Variants in CADPS observed in about 807,000 individuals in gnomAD.
CADPS encodes calcium dependent secretion activator.
In CADPS, 57 loss-of-function variants were observed where a neutral mutation model predicts 167.3. That is an observed-to-expected ratio of 0.34 (90% CI 0.28 to 0.42). The LOEUF is 0.42. Ranked by LOEUF, CADPS falls within the 20% of genes least tolerant of loss-of-function variation. The pLI is 1.00. For synonymous variants in CADPS, 676 were observed against 635.3 expected (o/e 1.06, Z -0.96); for missense variants, 1,414 against 1,738.1 (o/e 0.81, Z 3.32).
chr3:62,521,400 C>T (rs1210869521), intron 13 of CADPS, among the ~76,000 whole-genome samples: 1 of 152,136 alleles, frequency 6.6e-6, no homozygotes, highest in African/African-American at 2.4e-5. Flanking sequence ...TTACAAGGTG[C>T]CATTCCAAGT....
intron 1 of CADPS, among the ~76,000 whole-genome samples, chr3:62,819,022 G>A (rs78379899): frequency 1.6e-4 from 24 of 152,250 alleles, no homozygotes; most frequent in Non-Finnish European, 2.6e-4. Context: ...AGGGGATGGT[G>A]GTGGAGGTGG....
At chr3:62,415,138 A>T (rs550590187) in intron 28 of CADPS, among the ~76,000 whole-genome samples, 3 of 149,330 alleles carry the variant, frequency 2.0e-5, no homozygotes, top group African/African-American at 7.4e-5. Context: ...ACGCACACGT[A>T]CGACATCCAA....
chr3:62,658,317 A>G (rs1208186252), intron 4 of CADPS, among the ~76,000 whole-genome samples: 2 of 152,154 alleles, frequency 1.3e-5, no homozygotes, highest in East Asian at 1.9e-4. Context: ...CACATTTAAT[A>G]AAGGACTGAT....
intron 3 of CADPS, among the ~76,000 whole-genome samples, chr3:62,723,651 A>G (rs1398683640): frequency 6.6e-6 from 1 of 152,236 alleles, no homozygotes; most frequent in African/African-American, 2.4e-5. Flanking sequence ...TTTAATTTCA[A>G]ACTGGGTCAG....
At chr3:62,540,049 A>G (rs2075429638) in intron 11 of CADPS, among the ~76,000 whole-genome samples, 1 of 152,166 alleles carries the variant, frequency 6.6e-6, no homozygotes. Flanking sequence ...GGCATATATT[A>G]AGGGCTCAAT....
intron 21 of CADPS, among the ~76,000 whole-genome samples, chr3:62,489,765 G>A (rs141088737): frequency 1.6e-4 from 24 of 152,164 alleles, no homozygotes; most frequent in South Asian, 6.2e-4. Flanking sequence ...ATTTTAAAAC[G>A]TAAATATTAC....
chr3:62,864,376 G>C (rs978096980), intron 1 of CADPS, among the ~76,000 whole-genome samples: 5 of 152,168 alleles, frequency 3.3e-5, no homozygotes, highest in African/African-American at 9.6e-5. Context: ...CAGAAGAAGA[G>C]GGCTGTCTTT....
intron 1 of CADPS, among the ~76,000 whole-genome samples, chr3:62,775,200 G>C (rs999467560): frequency 8.6e-6 from 1 of 116,938 alleles, no homozygotes; most frequent in African/African-American, 3.3e-5. Flanking sequence ...ACCAAGCCCA[G>C]CCAATTTTTG....
chr3:62,567,860 C>A (rs965915906), intron 9 of CADPS, among the ~76,000 whole-genome samples: 1 of 152,144 alleles, frequency 6.6e-6, no homozygotes, highest in South Asian at 2.1e-4. Context: ...CAGGCGTCAG[C>A]CACTGCTCCT....
At chr3:62,597,412 G>C (rs906733515) in intron 6 of CADPS, among the ~76,000 whole-genome samples, 7 of 152,104 alleles carry the variant, frequency 4.6e-5, no homozygotes, top group Non-Finnish European at 1.0e-4. Context: ...CTTGGTCATG[G>C]GGAAGAGAAA....
chr3:62,467,016 C>A (rs1487341322), intron 24 of CADPS, among the ~76,000 whole-genome samples: 2 of 152,022 alleles, frequency 1.3e-5, no homozygotes, highest in Non-Finnish European at 2.9e-5. Flanking sequence ...ATAAACAGAC[C>A]CAGTATGAGA....
chr3:62,766,420 T>C (rs554803918), intron 1 of CADPS, among the ~76,000 whole-genome samples: 40 of 152,246 alleles, frequency 2.6e-4, no homozygotes, highest in African/African-American at 8.7e-4. Flanking sequence ...ACCATGGAAA[T>C]TGGCAAATGC....
At chr3:62,743,735 C>T (rs139702664) in intron 3 of CADPS, among the ~76,000 whole-genome samples, 152 of 152,186 alleles carry the variant, frequency 1.0e-3, no homozygotes, top group Non-Finnish European at 7.4e-4. Context: ...CGTAAATGAG[C>T]GAAGCAAACA....
chr3:62,797,610 A>G (rs2093509280), intron 1 of CADPS, among the ~76,000 whole-genome samples: 1 of 152,132 alleles, frequency 6.6e-6, no homozygotes, highest in Non-Finnish European at 1.5e-5. Context: ...TGGGAGCTAA[A>G]TGATGAGAAC....
chr3:62,480,023 C>T (rs2061795412), intron 22 of CADPS, among the ~76,000 whole-genome samples: 1 of 151,468 alleles, frequency 6.6e-6, no homozygotes, highest in African/African-American at 2.4e-5. Flanking sequence ...TTTTGACACC[C>T]ATCTGGTTTC....
chr3:62,871,002 G>A (rs987438871), intron 1 of CADPS, among the ~76,000 whole-genome samples: 3 of 152,080 alleles, frequency 2.0e-5, no homozygotes, highest in Non-Finnish European at 2.9e-5. Flanking sequence ...ACATTCTGGT[G>A]GGGAGATTTT....
At chr3:62,655,031 C>T (rs780762592) in intron 4 of CADPS, among the ~76,000 whole-genome samples, 2 of 152,130 alleles carry the variant, frequency 1.3e-5, no homozygotes, top group Non-Finnish European at 2.9e-5. Context: ...TGAGGGTTAG[C>T]TCCACCAAAT....
At chr3:62,509,433 T>C (rs1211346385) in intron 17 of CADPS, among the ~76,000 whole-genome samples, 1 of 152,090 alleles carries the variant, frequency 6.6e-6, no homozygotes, top group Non-Finnish European at 1.5e-5. Context: ...TATTGGTCCC[T>C]TGTGGAAGAC....
At chr3:62,529,331 G>A (rs2073100288) in intron 13 of CADPS, among the ~76,000 whole-genome samples, 2 of 152,060 alleles carry the variant, frequency 1.3e-5, no homozygotes, top group Non-Finnish European at 1.5e-5. Flanking sequence ...GTTTTTCGTG[G>A]CCTAAGAAAT....
Sources: allele counts gnomAD v4.1 joint callset (sites outside exome capture counted in the v4.1 genomes callset), GRCh38; gene constraint gnomAD v4.1.1; transcripts MANE v1.5; gene names NCBI Gene and HGNC (gene_info 2026-07-23, HGNC 2026-07-21).